The following MOB4 variants were observed in gnomAD, a reference collection of about 807,000 sequenced individuals.
The protein encoded by MOB4 is MOB family member 4, phocein.
In MOB4, 4 loss-of-function variants were observed where a neutral mutation model predicts 32.2. That is an observed-to-expected ratio of 0.12 (90% confidence interval 0.06 to 0.28). The LOEUF (loss-of-function observed/expected upper bound fraction) is 0.28, where lower values mean the gene tolerates loss of function less well. MOB4 is among the 10% of genes least tolerant of loss of function. The pLI is 1.00. For synonymous variants in MOB4, 88 were observed against 88.1 expected (o/e 1.00, Z 0.01); for missense variants, 158 against 271.2 (o/e 0.58, Z 2.93).
At chr2:197,530,523 C>T (rs977645350) in intron 2 of MOB4, among the ~76,000 whole-genome samples, 7 of 152,070 alleles carry the variant, frequency 4.6e-5, no homozygotes, top group African/African-American at 1.7e-4. Flanking sequence ...CCTCAGCCTG[C>T]TAAGTTTTTC....
In MOB4 at chr2:197,534,675, T is replaced by C. The variant is rs545528253; in HGVS notation, c.124-855T>C. 5.3e-5 allele frequency among the ~76,000 whole-genome samples: 8 copies of C among 152,292 alleles called. No homozygotes were observed. In the South Asian group the frequency reaches 1.5e-3, roughly 28 times the overall value. ...CTCTTGCCTCAGCCTCCAGAGTAGC[T>C]GGGACTACAGGTGTGTGCCACCACG... On this transcript the variant is annotated intron_variant, in intron 2 of 7. Coordinates refer to ENST00000323303, the MANE Select transcript of MOB4 (RefSeq NM_015387.5).
chr2:197,523,828 G>A, intron 2 of MOB4, 142 bp downstream of exon 2: 2 of 692,250 alleles, frequency 2.9e-6, no homozygotes, highest in Admixed American at 3.9e-5. Context: ...AAACAAAATA[G>A]TTCCTTTTAC....
At chr2:197,532,838 G>C (rs1315082524) in intron 2 of MOB4, among the ~76,000 whole-genome samples, 3 of 151,982 alleles carry the variant, frequency 2.0e-5, no homozygotes, top group African/African-American at 7.2e-5. Context: ...GGTGGCTCAC[G>C]CTGTAATCCC....
At chr2:197,525,181 C>A (rs1240169056) in intron 2 of MOB4, among the ~76,000 whole-genome samples, 1 of 151,262 alleles carries the variant, frequency 6.6e-6, no homozygotes, top group East Asian at 2.0e-4. Context: ...CCATCTCTTA[C>A]TAAAAATATA....
intron 2 of MOB4, chr2:197,533,722 CAAAAAAAAAAAAA>C (rs796816631): frequency 3.5e-5 from 5 of 142,436 alleles, no homozygotes; most frequent in East Asian, 3.9e-4. Context: ...CAAAACTCCT[CAAAAAAAAAAAAA>C]AAAAAAAAAA....
At chr2:197,531,995 C>T (rs2086713958) in intron 2 of MOB4, among the ~76,000 whole-genome samples, 1 of 152,064 alleles carries the variant, frequency 6.6e-6, no homozygotes, top group Admixed American at 6.6e-5. Flanking sequence ...GAGCAACCTC[C>T]ACCTCCCAGG....
chr2:197,550,842 A>G lies in MOB4; in HGVS notation c.*196A>G. 2.2e-6 allele frequency: 1 copy of G among 452,322 alleles called. No homozygotes were observed. The highest frequency in any genetic ancestry group is 3.4e-6 in the Non-Finnish European group (1 of 294,252). 28.0% of individuals were successfully genotyped at this position (452,322 alleles called of 1,614,324 possible). ...CTGTATATTCACCAGTGTGGCACTC[A>G]TGGTTTTTAAATAAGATTAGTATTA... On this transcript the variant is annotated 3_prime_UTR_variant, in exon 8 of 8. Transcript: ENST00000323303.
chr2:197,531,679 C>T (rs2086707606), intron 2 of MOB4, among the ~76,000 whole-genome samples: 1 of 151,834 alleles, frequency 6.6e-6, no homozygotes, highest in South Asian at 2.1e-4. Context: ...GATTCTACTG[C>T]CTCAGCCTCC....
intron 3 of MOB4, among the ~76,000 whole-genome samples, chr2:197,538,297 C>T (rs1302396409): frequency 2.0e-5 from 3 of 151,784 alleles, no homozygotes; most frequent in African/African-American, 7.3e-5. Context: ...TTTCTACTAG[C>T]CACTTTTTGG....
intron 5 of MOB4, among the ~76,000 whole-genome samples, chr2:197,545,554 G>A (rs1447060863): frequency 6.6e-6 from 1 of 152,010 alleles, no homozygotes. Context: ...CATACAGTAC[G>A]GCATTTTGTA....
At position 197,550,794 on chromosome 2, in the gene MOB4, A is replaced by G; in HGVS notation, c.*148A>G. The G allele has an allele frequency of 6.3e-6, 6 of 958,488 alleles. No individual in the cohort carries two copies. The highest frequency in any genetic ancestry group is 7.0e-6 in the Non-Finnish European group (5 of 709,844). The allele number at this position is 958,488 out of a possible 1,614,324, so 59.4% of individuals were successfully genotyped here. The stretch of plus-strand genomic sequence containing the variant: ...CTGGGTTTGCCTTTTAAAATGGGAA[A>G]TACTTTTTAAGTTATTCATAAGCTG... On this transcript the variant is annotated 3_prime_UTR_variant, in exon 8 of 8. Transcript: ENST00000323303.
At chr2:197,550,142 G>T (rs915543868) in intron 6 of MOB4, 133 bp from the exon 7 acceptor site, 15 of 698,846 alleles carry the variant, frequency 2.1e-5, no homozygotes, top group Non-Finnish European at 2.9e-5. Context: ...GCATTTACTC[G>T]CAGTGTGACC....
intron 5 of MOB4, among the ~76,000 whole-genome samples, chr2:197,545,323 A>T (rs992405338): frequency 2.6e-5 from 4 of 152,222 alleles, no homozygotes; most frequent in Non-Finnish European, 5.9e-5. Flanking sequence ...ATATACTTTA[A>T]ATCATCTCTA....
At chr2:197,538,058 G>A (rs890830079) in intron 3 of MOB4, among the ~76,000 whole-genome samples, 1 of 151,892 alleles carries the variant, frequency 6.6e-6, no homozygotes, top group Non-Finnish European at 1.5e-5. Flanking sequence ...GATTACAGGC[G>A]TGTGCCACCA....
intron 2 of MOB4, among the ~76,000 whole-genome samples, chr2:197,528,535 A>G (rs1220089255): frequency 2.0e-5 from 3 of 151,962 alleles, no homozygotes; most frequent in Non-Finnish European, 4.4e-5. Flanking sequence ...AGAATGGTCT[A>G]TTATATTTAT....
chr2:197,517,637 TTGTC>T (rs1421304510), intron 1 of MOB4, among the ~76,000 whole-genome samples: 1 of 152,124 alleles, frequency 6.6e-6, no homozygotes, highest in Non-Finnish European at 1.5e-5. Context: ...AGAAAACTTA[TTGTC>T]TTTTTTTTTC....
upstream of MOB4, chr2:197,515,831 CAA>C (rs959729167): frequency 9.4e-6 from 5 of 529,500 alleles, no homozygotes; most frequent in African/African-American, 6.1e-5. Context: ...GCAGCCCTCG[CAA>C]AGAGGCTCGT....
chr2:197,532,288 A>G (rs1315584217), intron 2 of MOB4, among the ~76,000 whole-genome samples: 1 of 152,228 alleles, frequency 6.6e-6, no homozygotes, highest in Non-Finnish European at 1.5e-5. Context: ...AAAGGATTCT[A>G]GATTTCTTCA....
chr2:197,522,785 A>G (rs144874191), intron 1 of MOB4, among the ~76,000 whole-genome samples: 1,574 of 152,038 alleles, frequency 0.01, 30 homozygotes, highest in African/African-American at 0.033. Context: ...GGGAGTCTGA[A>G]GTAGGCGGAT....
Sources: gnomAD v4.1 joint callset for allele counts (sites outside exome capture counted in the v4.1 genomes callset) on GRCh38, gnomAD v4.1.1 for gene constraint, MANE v1.5 for transcripts, NCBI Gene and HGNC (gene_info 2026-07-23, HGNC 2026-07-21) for gene names.